The following RGS14 variants were observed in gnomAD, a reference collection of about 807,000 sequenced individuals.
RGS14 encodes regulator of G protein signaling 14.
A neutral mutation model predicts 63.8 loss-of-function variants in RGS14; 33 were observed. That is an observed-to-expected ratio of 0.52 (90% CI 0.39 to 0.69). RGS14 has a LOEUF of 0.69. Ranked by LOEUF, RGS14 falls within the 30% of genes least tolerant of loss-of-function variation. The pLI is 0.00. For synonymous variants in RGS14, 296 were observed against 320.9 expected, an observed-to-expected ratio of 0.92 and a Z score of 0.83; for missense variants, 739 against 742.9, an observed-to-expected ratio of 0.99 and a Z score of 0.06.
At chr5:177,360,530 G>A (rs1048680838) in intron 1 of RGS14, among the ~76,000 whole-genome samples, 10 of 135,388 alleles carry the variant, frequency 7.4e-5, no homozygotes, top group Non-Finnish European at 1.5e-5. Flanking sequence ...CACTCAGACT[G>A]CACTGCAGTC....
intron 10 of RGS14, 40 bp downstream of exon 10, chr5:177,370,704 C>T (rs771826925): frequency 6.3e-7 from 1 of 1,597,878 alleles, no homozygotes; most frequent in East Asian, 2.2e-5. Flanking sequence ...CAGGTCCTGA[C>T]GCTCCCTTCA....
At chr5:177,370,750 C>G in intron 10 of RGS14, 86 bp downstream of exon 10, 1 of 1,529,416 alleles carries the variant, frequency 6.5e-7, no homozygotes, top group Non-Finnish European at 8.9e-7. Flanking sequence ...CCAGGCCCCG[C>G]CCCTCGTGCT....
At chr5:177,368,969 C>G in intron 9 of RGS14, 49 bp downstream of exon 9, 1 of 1,564,008 alleles carries the variant, frequency 6.4e-7, no homozygotes, top group Non-Finnish European at 8.8e-7. Context: ...TGATCCTGAC[C>G]CCAACTCCAT....
intron 5 of RGS14, 126 bp downstream of exon 5, chr5:177,367,160 A>C: frequency 1.5e-6 from 2 of 1,308,334 alleles, no homozygotes; most frequent in Non-Finnish European, 2.1e-6. Flanking sequence ...ACAGAGCCAA[A>C]TGCCGGGGCA....
chr5:177,367,339 G>C (rs1255692425), intron 5 of RGS14, 75 bp from the exon 6 acceptor site: 10 of 1,499,332 alleles, frequency 6.7e-6, no homozygotes, highest in Non-Finnish European at 9.0e-6. Flanking sequence ...CCAGCCCCAA[G>C]GACCCGGCCT....
intron 10 of RGS14, 68 bp from the exon 11 acceptor site, chr5:177,370,837 T>A: frequency 6.5e-7 from 1 of 1,528,456 alleles, no homozygotes; most frequent in Non-Finnish European, 8.8e-7. Flanking sequence ...CCCCCTCGCG[T>A]TTGTCCTGGG....
At chr5:177,370,757 T>C in intron 10 of RGS14, 93 bp downstream of exon 10, 1 of 1,495,920 alleles carries the variant, frequency 6.7e-7, no homozygotes, top group Non-Finnish European at 9.1e-7. Flanking sequence ...CCGCCCCTCG[T>C]GCTAGCCCCG....
At position 177,372,495 on chromosome 5, in the gene RGS14, A is replaced by C; in HGVS notation, c.*420A>C. ...AGGCAGGCAGCCCTGTACCCCACCC[A>C]CATAGACTATACTGTACATACAGAT... On this transcript the variant is annotated 3_prime_UTR_variant, in exon 15 of 15. Coordinates refer to ENST00000408923, the MANE Select transcript of RGS14 (RefSeq NM_006480.5). 1 of 189,182 alleles carries C rather than the reference A, an allele frequency of 5.3e-6. No individual in the cohort carries two copies. Among genetic ancestry groups the C allele is most frequent in the Non-Finnish European group, 1.1e-5 (1 of 91,606 alleles). The allele number at this position is 189,182 out of a possible 1,614,324, so 11.7% of individuals were successfully genotyped here.
At position 177,371,069 on chromosome 5, in the gene RGS14, CGGGCCG is replaced by C. The variant is rs551154915; in HGVS notation, c.1255-45_1255-40del. On this transcript the variant is annotated intron_variant, in intron 11 of 14. Coordinates refer to ENST00000408923, the MANE Select transcript of RGS14 (RefSeq NM_006480.5). This position sits in a 1 kb window ranked among gnomAD's most constrained non-coding sequence, Gnocchi z 6.1. ...GCCGCGGGGCGGGGCGGGGCGGGGC[CGGGCCG>C]GGGCCGGGGCCGGGGCCGGGGCCGG... 0.034 allele frequency: 20,137 copies of C among 585,464 alleles called. 720 individuals are homozygous for C. The highest frequency in any genetic ancestry group is 0.069 in the East Asian group (739 of 10,650). The allele number at this position is 585,464 out of a possible 1,614,324, so 36.3% of individuals were successfully genotyped here.
At chr5:177,366,527 T>C (rs1385211990) in intron 3 of RGS14, 172 bp downstream of exon 3, 1 of 789,090 alleles carries the variant, frequency 1.3e-6, no homozygotes, top group Non-Finnish European at 2.1e-6. Context: ...CCTGTCCTTG[T>C]CTCTGCCTCT....
At chr5:177,370,873 C>G (rs1308934611) in intron 10 of RGS14, 32 bp from the exon 11 acceptor site, 1 of 1,572,974 alleles carries the variant, frequency 6.4e-7, no homozygotes, top group South Asian at 1.2e-5. Flanking sequence ...GGCCGGCCCT[C>G]CGGCCCTCTG....
Position 177,368,939 on chromosome 5 carries a change from T to C in RGS14, c.1053+19T>C, listed in dbSNP as rs1404389154. On this transcript the variant is annotated intron_variant, in intron 9 of 14. Transcript: ENST00000408923. ...TGAACAGGTGGGAACGTGACCTGGC[T>C]CCAACTCTAACCTCCTTCCTGATCC... 1.2e-5 allele frequency: 20 copies of C among 1,611,132 alleles called. No individual in the cohort carries two copies. Among genetic ancestry groups the C allele is most frequent in the Non-Finnish European group, 1.7e-5 (20 of 1,177,464 alleles).
At position 177,364,594 on chromosome 5, in the gene RGS14, A is replaced by G. The variant is rs1762049792; in HGVS notation, c.46-1369A>G. The stretch of plus-strand genomic sequence containing the variant: ...TGGAGCCGTTACCAGGAAGTTGGTT[A>G]TGTGTGTCTGGAGCTGTGGATCTGT... On this transcript the variant is annotated intron_variant, in intron 1 of 14. Transcript: ENST00000408923. This position sits in a 1 kb window ranked among gnomAD's most constrained non-coding sequence, Gnocchi z 4.6. Among the ~76,000 whole-genome samples, 1 of 152,114 alleles carries G rather than the reference A, an allele frequency of 6.6e-6. No individual in the cohort carries two copies. Among genetic ancestry groups the G allele is most frequent in the African/African-American group, 2.4e-5 (1 of 41,410 alleles).
intron 5 of RGS14, 31 bp downstream of exon 5, chr5:177,367,065 A>T (rs1489321892): frequency 5.1e-6 from 8 of 1,584,068 alleles, no homozygotes; most frequent in Non-Finnish European, 6.9e-6. Context: ...TGGCCTTGAA[A>T]GGGAGACAAA....
chr5:177,364,795 C>T lies in RGS14; in HGVS notation c.46-1168C>T, dbSNP rs1762053461. On this transcript the variant is annotated intron_variant, in intron 1 of 14. Coordinates refer to ENST00000408923, the MANE Select transcript of RGS14 (RefSeq NM_006480.5). This position sits in a 1 kb window ranked among gnomAD's most constrained non-coding sequence, Gnocchi z 4.6. ...TTCTGTTTCACTAATGATTGGGATT[C>T]CCAGAGAAACCAGAGTTGTGCACTG... 6.6e-6 allele frequency among the ~76,000 whole-genome samples: 1 copy of T among 152,144 alleles called. No homozygotes were observed. The highest frequency in any genetic ancestry group is 2.4e-5 in the African/African-American group (1 of 41,418).
At chr5:177,367,934 T>C (rs1762141593) in intron 7 of RGS14, 109 bp downstream of exon 7, 1 of 1,438,934 alleles carries the variant, frequency 6.9e-7, no homozygotes, top group Non-Finnish European at 9.1e-7. Flanking sequence ...TCTGTGAAAA[T>C]TGAAACCCAG....
chr5:177,365,326 G>A (rs1762063488), intron 1 of RGS14, among the ~76,000 whole-genome samples: 1 of 152,054 alleles, frequency 6.6e-6, no homozygotes, highest in Non-Finnish European at 1.5e-5. Context: ...CCGAGTAGCT[G>A]GGATTACAGG....
chr5:177,371,130 G>A lies in RGS14; in HGVS notation c.1255-35G>A. On this transcript the variant is annotated intron_variant, in intron 11 of 14. Transcript: ENST00000408923. This position sits in a 1 kb window ranked among gnomAD's most constrained non-coding sequence, Gnocchi z 6.1. ...GGGGCCGGGGCCGGGGCCGGGCGGAGGCCTGTACCGCGGGCTGCTGACCTC... is the reference window on the plus strand; with the variant it reads ...GGGGCCGGGGCCGGGGCCGGGCGGAAGCCTGTACCGCGGGCTGCTGACCTC... 1.3e-6 allele frequency: 2 copies of A among 1,586,824 alleles called. No homozygotes were observed. The highest frequency in any genetic ancestry group is 1.1e-5 in the South Asian group (1 of 90,536).
chr5:177,369,572 C>T (rs1279435871), intron 9 of RGS14, among the ~76,000 whole-genome samples: 1 of 152,176 alleles, frequency 6.6e-6, no homozygotes, highest in Admixed American at 6.5e-5. Flanking sequence ...AGAGTGAAAA[C>T]TCCAGAGAAG....
Sources: allele counts gnomAD v4.1 joint callset (sites outside exome capture counted in the v4.1 genomes callset), GRCh38; gene constraint gnomAD v4.1.1; non-coding constraint Gnocchi (gnomAD v3.1); transcripts MANE v1.5; gene names NCBI Gene and HGNC (gene_info 2026-07-23, HGNC 2026-07-21).